PRPSAP2: variants seen among roughly 807,000 people sequenced by gnomAD.
PRPSAP2 encodes the protein phosphoribosyl pyrophosphate synthase-associated protein 2.
PRPSAP2 carries 24 observed loss-of-function variants against 40.6 expected under a neutral mutation model. The ratio of observed to expected loss-of-function variants is 0.59; its 90% CI spans 0.43 to 0.83. The LOEUF (loss-of-function observed/expected upper bound fraction) is 0.83. Among genes scored for constraint, PRPSAP2 ranks in the 40% least tolerant of loss-of-function variants. The pLI is 0.00. For synonymous variants in PRPSAP2, 149 were observed against 164.7 expected, an observed-to-expected ratio of 0.90 and a Z score of 0.73; for missense variants, 292 against 465.6, an observed-to-expected ratio of 0.63 and a Z score of 3.43.
chr17:18,884,346 G>GT (rs5819661), intron 7 of PRPSAP2, among the ~76,000 whole-genome samples: 11 of 151,096 alleles, frequency 7.3e-5, no homozygotes, highest in South Asian at 2.1e-4. Context: ...AAAATTTTAT[G>GT]TTTTTTTTTT....
chr17:18,892,725 G>GTGTGTGTGTGTGTA (rs2039634990), intron 8 of PRPSAP2, among the ~76,000 whole-genome samples: 1 of 83,906 alleles, frequency 1.2e-5, no homozygotes, highest in Non-Finnish European at 2.7e-5. Context: ...GTGTGTGTGT[G>GTGTGTGTGTGTGTA]TGTATTTATT....
intron 8 of PRPSAP2, among the ~76,000 whole-genome samples, chr17:18,890,449 C>T (rs1345828895): frequency 4.6e-5 from 7 of 152,132 alleles, no homozygotes; most frequent in East Asian, 1.9e-4. Flanking sequence ...GGATTACAGG[C>T]GTGAGCCACC....
chr17:18,889,943 A>G (rs2039434720), intron 8 of PRPSAP2, 66 bp downstream of exon 8: 11 of 1,414,870 alleles, frequency 7.8e-6, no homozygotes, highest in Non-Finnish European at 1.1e-5. Flanking sequence ...GATGAGTTCC[A>G]GGCATTCTAA....
intron 8 of PRPSAP2, chr17:18,904,224 A>G (rs1174383917): frequency 6.6e-6 from 1 of 152,112 alleles, no homozygotes; most frequent in Non-Finnish European, 1.5e-5. Context: ...TAAATTAAAT[A>G]CCATTATGTA....
chr17:18,902,596 G>A (rs2040334348), intron 8 of PRPSAP2, among the ~76,000 whole-genome samples: 1 of 152,108 alleles, frequency 6.6e-6, no homozygotes, highest in Non-Finnish European at 1.5e-5. Context: ...ATTGGGCCAG[G>A]TGCGGTGTCA....
intron 8 of PRPSAP2, among the ~76,000 whole-genome samples, chr17:18,907,503 C>T (rs2040670449): frequency 1.3e-5 from 2 of 152,276 alleles, no homozygotes; most frequent in Non-Finnish European, 1.5e-5. Context: ...GACTGAAAAT[C>T]ATTAAGGATG....
In PRPSAP2 at chr17:18,930,553, A is replaced by G. The variant is rs779308988; in HGVS notation, c.965A>G (p.Asn322Ser). The G allele has an allele frequency of 3.2e-5, 51 of 1,613,622 alleles. No individual in the cohort carries two copies. The highest frequency in any genetic ancestry group is 1.2e-4 in the Admixed American group (7 of 59,952). Reference sequence around the variant, plus strand: ...TTTGCTTCACAGGTGGTGGTCACCAATACAATTCCACATGAAGTCCAGAAG... The same window carrying G: ...TTTGCTTCACAGGTGGTGGTCACCAGTACAATTCCACATGAAGTCCAGAAG... The part of the protein sequence containing the change: ...ESAIDEVVVT[N>S]TIPHEVQKLQ... The change falls in exon 12 of 12, where the codon AAT becomes AGT. Residue 322 changes from asparagine to serine, a missense_variant. Around this residue, in one of 2 missense-constraint regions of PRPSAP2, gnomAD observed 241 missense variants for 425.7 expected, o/e 0.57. Coordinates refer to ENST00000268835, the MANE Select transcript of PRPSAP2 (RefSeq NM_002767.4).
intron 9 of PRPSAP2, among the ~76,000 whole-genome samples, chr17:18,912,507 C>T (rs2041027168): frequency 1.3e-5 from 2 of 152,144 alleles, no homozygotes; most frequent in Non-Finnish European, 2.9e-5. Flanking sequence ...ATCCTAATAG[C>T]CCCCAAAATG....
intron 9 of PRPSAP2, among the ~76,000 whole-genome samples, chr17:18,914,043 G>C (rs1287499588): frequency 6.6e-6 from 1 of 151,524 alleles, no homozygotes; most frequent in South Asian, 2.1e-4. Flanking sequence ...GCATGGTGGT[G>C]CGTGCCTTAA....
chr17:18,857,580 A>T (rs1427843159), upstream of PRPSAP2, among the ~76,000 whole-genome samples: 2 of 142,420 alleles, frequency 1.4e-5, no homozygotes, highest in African/African-American at 2.6e-5. Flanking sequence ...CGCCTGGCTA[A>T]TTTTTTTTTT....
chr17:18,921,873 T>G (rs766645677), intron 9 of PRPSAP2, among the ~76,000 whole-genome samples: 4 of 152,206 alleles, frequency 2.6e-5, no homozygotes, highest in Non-Finnish European at 4.4e-5. Context: ...AGTATAAAAT[T>G]TACTGGCTTT....
chr17:18,866,442 TAG>T (rs2037438671), intron 3 of PRPSAP2, among the ~76,000 whole-genome samples: 2 of 152,112 alleles, frequency 1.3e-5, no homozygotes, highest in Non-Finnish European at 2.9e-5. Context: ...CGGGCACCTG[TAG>T]TCCCAGCTAC....
rs371523302 is a variant in PRPSAP2, at chr17:18,906,698, GTGTTTGTT to G, written c.585-4392_585-4385del. Reference sequence around the variant, plus strand: ...GATGATTTAAGCATGAGTTTTTTGTGTGTTTGTTTGTTTGTTTGTTCGTTTTTCAGTAG... The same window carrying G: ...GATGATTTAAGCATGAGTTTTTTGTGTGTTTGTTTGTTCGTTTTTCAGTAG... On this transcript the variant is annotated intron_variant, in intron 8 of 11. Transcript: ENST00000268835. Among the ~76,000 whole-genome samples, 551 of 151,684 alleles carry G rather than the reference GTGTTTGTT, an allele frequency of 3.6e-3. 1 individual carries two copies. The highest frequency in any genetic ancestry group is 0.012 in the African/African-American group (508 of 41,322).
At chr17:18,884,839 G>T (rs1247951117) in intron 7 of PRPSAP2, among the ~76,000 whole-genome samples, 1 of 152,218 alleles carries the variant, frequency 6.6e-6, no homozygotes, top group Non-Finnish European at 1.5e-5. Flanking sequence ...ACTTATGTGG[G>T]TTGCTGTCGA....
intron 8 of PRPSAP2, among the ~76,000 whole-genome samples, chr17:18,896,648 G>A (rs982934568): frequency 7.7e-6 from 1 of 130,438 alleles, no homozygotes; most frequent in African/African-American, 3.0e-5. Context: ...TCAGGCGGCT[G>A]CAGTGTTAAA....
chr17:18,872,701 G>A (rs1394395452), intron 5 of PRPSAP2, 52 bp downstream of exon 5: 1 of 1,398,816 alleles, frequency 7.1e-7, no homozygotes. Flanking sequence ...AGGCATGAGT[G>A]TTTAAAATAA....
intron 5 of PRPSAP2, among the ~76,000 whole-genome samples, chr17:18,875,937 C>T (rs753479071): frequency 3.9e-4 from 59 of 151,764 alleles, no homozygotes; most frequent in Non-Finnish European, 7.1e-4. Flanking sequence ...AGTTCAAGAC[C>T]AGCCTGACCA....
At chr17:18,908,202 A>AGAGGCCACGGAGCCAGCGACGG in intron 8 of PRPSAP2, 1 of 657,510 alleles carries the variant, frequency 1.5e-6, no homozygotes, top group Non-Finnish European at 2.8e-6. Flanking sequence ...AGCTCCTGCA[A>AGAGGCCACGGAGCCAGCGACGG]GAGGCCACGG....
rs774868014 is a variant in PRPSAP2, at chr17:18,911,088, G to C, written c.585-15G>C. ...CTGCATGAGTTTTGAGCTTGTGTCT[G>C]GTGTTTTCCCTCAGGGCACAGTCTT... On this transcript the variant is annotated splice_polypyrimidine_tract_variant and intron_variant, in intron 8 of 11. Coordinates refer to ENST00000268835, the MANE Select transcript of PRPSAP2 (RefSeq NM_002767.4). The surrounding 1 kb of genome is among the most constrained non-coding windows in gnomAD (Gnocchi z 4.5). 14 of 1,595,140 alleles carry C rather than the reference G, an allele frequency of 8.8e-6. No individual in the cohort carries two copies. The highest frequency in any genetic ancestry group is 1.2e-5 in the Non-Finnish European group (14 of 1,167,564).
Sources: gnomAD v4.1 joint callset for allele counts (sites outside exome capture counted in the v4.1 genomes callset) on GRCh38, gnomAD v4.1.1 for gene constraint, gnomAD v4.1.1 regional missense constraint, Gnocchi (gnomAD v3.1) non-coding constraint, MANE v1.5 for transcripts, NCBI Gene and HGNC (gene_info 2026-07-23, HGNC 2026-07-21) for gene names.